Variants in MAP3K13 observed in about 807,000 individuals in gnomAD.
The protein encoded by MAP3K13 is leucine zipper-bearing kinase.
MAP3K13 carries 52 observed loss-of-function variants against 104.0 expected under a neutral mutation model. That is an observed-to-expected ratio of 0.50 (90% CI 0.40 to 0.63). MAP3K13 has a LOEUF of 0.63. MAP3K13 is among the 20% of genes least tolerant of loss of function. The pLI, the probability that MAP3K13 is intolerant of heterozygous loss-of-function variation, is 0.00. For synonymous variants in MAP3K13, 394 were observed against 442.2 expected (o/e 0.89, Z 1.37); for missense variants, 914 against 1,218.5 (o/e 0.75, Z 3.72).
At chr3:185,443,662 C>A (rs1715446395) in intron 4 of MAP3K13, 26 bp downstream of exon 4, 5 of 1,597,098 alleles carry the variant, frequency 3.1e-6, no homozygotes, top group Non-Finnish European at 4.3e-6. Flanking sequence ...AATGTTTCAG[C>A]TATTTTGGTT....
At chr3:185,357,158 T>C (rs1226463944) in intron 2 of MAP3K13, among the ~76,000 whole-genome samples, 1 of 150,978 alleles carries the variant, frequency 6.6e-6, no homozygotes, top group African/African-American at 2.4e-5. Context: ...GTATTATGAA[T>C]TCTAGGCCGG....
chr3:185,394,672 A>T (rs1248658573), intron 1 of MAP3K13, among the ~76,000 whole-genome samples: 1 of 152,236 alleles, frequency 6.6e-6, no homozygotes, highest in Non-Finnish European at 1.5e-5. Flanking sequence ...TGGAATTTTC[A>T]GCCTTCCATT....
intron 2 of MAP3K13, among the ~76,000 whole-genome samples, chr3:185,321,138 ATAT>A (rs1324648304): frequency 6.6e-6 from 1 of 151,024 alleles, no homozygotes; most frequent in Admixed American, 6.6e-5. Context: ...ACACATGTGT[ATAT>A]TACATATATG....
chr3:185,432,958 AG>A (rs1314648712), intron 2 of MAP3K13, among the ~76,000 whole-genome samples: 1 of 152,192 alleles, frequency 6.6e-6, no homozygotes, highest in African/African-American at 2.4e-5. Flanking sequence ...TTTCCTTGTC[AG>A]GTCTGGGATC....
chr3:185,471,650 G>A (rs1717799117), intron 10 of MAP3K13, among the ~76,000 whole-genome samples: 1 of 151,492 alleles, frequency 6.6e-6, no homozygotes, highest in African/African-American at 2.4e-5. Flanking sequence ...AGTAGAAATG[G>A]GGTTTCACCA....
intron 1 of MAP3K13, among the ~76,000 whole-genome samples, chr3:185,428,010 C>T (rs564133712): frequency 6.6e-6 from 1 of 150,408 alleles, no homozygotes; most frequent in Non-Finnish European, 1.5e-5. Context: ...ACCTGGGAAG[C>T]GGAGGTTGCA....
rs1713960249 is a variant in MAP3K13, at chr3:185,418,855, T to G, written c.-85-9642T>G. On this transcript the variant is annotated intron_variant, in intron 1 of 13. Coordinates refer to ENST00000265026, the MANE Select transcript of MAP3K13 (RefSeq NM_004721.5). The surrounding 1 kb of genome is among the most constrained non-coding windows in gnomAD (Gnocchi z 4.5). Reference sequence around the variant, plus strand: ...AAAAGCATGTTCTTGTCTTTTCATCTGTTTTGGGTTTCAGTTCTCTTAATC... The same window carrying G: ...AAAAGCATGTTCTTGTCTTTTCATCGGTTTTGGGTTTCAGTTCTCTTAATC... 1 of 1,446,230 alleles carries G rather than the reference T, an allele frequency of 6.9e-7. No individual in the cohort carries two copies. The highest frequency in any genetic ancestry group is 1.4e-5 in the African/African-American group (1 of 70,500). The allele number at this position is 1,446,230 out of a possible 1,614,324, so 89.6% of individuals were successfully genotyped here.
chr3:185,374,236 A>G (rs766287652), intron 1 of MAP3K13, among the ~76,000 whole-genome samples: 1 of 152,164 alleles, frequency 6.6e-6, no homozygotes, highest in Non-Finnish European at 1.5e-5. Context: ...GAGGCCTGAC[A>G]TTCCTGTCTT....
At chr3:185,429,575 G>A (rs1483773975) in intron 2 of MAP3K13, among the ~76,000 whole-genome samples, 1 of 152,104 alleles carries the variant, frequency 6.6e-6, no homozygotes, top group Non-Finnish European at 1.5e-5. Context: ...CTATGATGGT[G>A]CCACTGCACT....
chr3:185,386,080 T>C (rs1461185331), intron 1 of MAP3K13, among the ~76,000 whole-genome samples: 1 of 150,996 alleles, frequency 6.6e-6, no homozygotes, highest in Non-Finnish European at 1.5e-5. Context: ...TGCAAATCAA[T>C]AAATGTGATA....
intron 2 of MAP3K13, among the ~76,000 whole-genome samples, chr3:185,352,809 T>G (rs958184044): frequency 2.0e-5 from 3 of 152,242 alleles, no homozygotes; most frequent in African/African-American, 7.2e-5. Context: ...ACTTATTACC[T>G]GTTTAATGAA....
intron 2 of MAP3K13, among the ~76,000 whole-genome samples, chr3:185,288,568 G>A (rs1231285398): frequency 6.7e-6 from 1 of 150,146 alleles, no homozygotes; most frequent in Non-Finnish European, 1.5e-5. Context: ...AAACCAGATA[G>A]GAAGTTATTG....
intron 10 of MAP3K13, among the ~76,000 whole-genome samples, chr3:185,468,794 A>C: frequency 6.6e-6 from 1 of 152,194 alleles, no homozygotes; most frequent in East Asian, 1.9e-4. Flanking sequence ...CACCTGACAC[A>C]ATCCTTGGGG....
chr3:185,315,016 G>T lies in MAP3K13; in HGVS notation c.-86+29373G>T, dbSNP rs1037044005. On this transcript the variant is annotated intron_variant, in intron 2 of 14. Transcript: ENST00000424227. This position sits in a 1 kb window ranked among gnomAD's most constrained non-coding sequence, Gnocchi z 4.3. ...GCCTGTAATCCCAGCACTTTGGGAG[G>T]CTGAGGCAGGCGCATCACGAAGTCA... 2.0e-5 allele frequency among the ~76,000 whole-genome samples: 3 copies of T among 152,168 alleles called. No homozygotes were observed. The highest frequency in any genetic ancestry group is 7.2e-5 in the African/African-American group (3 of 41,446).
chr3:185,454,870 GAGAT>G (rs1470152434), intron 7 of MAP3K13, among the ~76,000 whole-genome samples: 22 of 33,774 alleles, frequency 6.5e-4, no homozygotes, highest in Non-Finnish European at 1.4e-3. Context: ...ATATATATAT[GAGAT>G]ATATATATGA....
At chr3:185,298,949 A>G (rs182047064) in intron 2 of MAP3K13, among the ~76,000 whole-genome samples, 95 of 152,336 alleles carry the variant, frequency 6.2e-4, no homozygotes, top group African/African-American at 2.2e-3. Flanking sequence ...GAAAGTTTAT[A>G]GTGTATCTTA....
At chr3:185,392,342 C>T (rs1560081189) in intron 1 of MAP3K13, among the ~76,000 whole-genome samples, 1 of 152,182 alleles carries the variant, frequency 6.6e-6, no homozygotes, top group South Asian at 2.1e-4. Flanking sequence ...TGACGGAATA[C>T]AGGCTCCACA....
chr3:185,426,167 G>T (rs113373628), intron 1 of MAP3K13, among the ~76,000 whole-genome samples: 2 of 152,056 alleles, frequency 1.3e-5, no homozygotes, highest in African/African-American at 4.8e-5. Context: ...TGCAACCTCC[G>T]CTTGCTGGGT....
At chr3:185,454,756 G>GAT (rs201373908) in intron 7 of MAP3K13, among the ~76,000 whole-genome samples, 1,980 of 11,892 alleles carry the variant, frequency 0.17, 825 homozygotes, top group Non-Finnish European at 0.41. Context: ...ATATATATGA[G>GAT]ATATATATGA....
Sources: allele counts gnomAD v4.1 joint callset (sites outside exome capture counted in the v4.1 genomes callset), GRCh38; gene constraint gnomAD v4.1.1; non-coding constraint Gnocchi (gnomAD v3.1); transcripts MANE v1.5; gene names NCBI Gene and HGNC (gene_info 2026-07-23, HGNC 2026-07-21).